The following FHIT variants were observed in gnomAD, a reference collection of about 807,000 sequenced individuals.
FHIT encodes the protein fragile histidine triad diadenosine triphosphatase.
In FHIT, 19 loss-of-function variants were observed where a neutral mutation model predicts 17.9. The ratio of observed to expected loss-of-function variants is 1.06; its 90% CI spans 0.74 to 1.56. FHIT has a LOEUF of 1.56. Among genes scored for constraint, FHIT ranks in the 40% most tolerant of loss-of-function variants. FHIT has a pLI of 0.00. For synonymous variants in FHIT, 81 were observed against 69.7 expected (o/e 1.16, Z -0.81); for missense variants, 248 against 189.2 (o/e 1.31, Z -1.82).
intron 5 of FHIT, among the ~76,000 whole-genome samples, chr3:60,052,039 G>T (rs1701900847): frequency 6.6e-6 from 1 of 152,000 alleles, no homozygotes; most frequent in South Asian, 2.1e-4. Context: ...TTTTGTTTGT[G>T]GCCATTAATG....
chr3:60,065,010 C>T (rs1702441761), intron 5 of FHIT, among the ~76,000 whole-genome samples: 1 of 152,134 alleles, frequency 6.6e-6, no homozygotes, highest in African/African-American at 2.4e-5. Context: ...CACAGCTGGC[C>T]TCAAAGGCAC....
chr3:60,303,495 C>G (rs1048140383), intron 5 of FHIT, among the ~76,000 whole-genome samples: 6 of 152,152 alleles, frequency 3.9e-5, no homozygotes, highest in African/African-American at 1.4e-4. Context: ...AATCTGAGCC[C>G]TCTCCCGTTG....
intron 7 of FHIT, among the ~76,000 whole-genome samples, chr3:59,998,499 A>G (rs1699604730): frequency 2.0e-5 from 3 of 152,102 alleles, no homozygotes; most frequent in African/African-American, 7.2e-5. Context: ...CCTGAACCAA[A>G]AAGGGAGGAC....
In FHIT at chr3:60,786,217, T is replaced by C. The variant is rs576397089; in HGVS notation, c.-18+35702A>G. 3.9e-5 allele frequency among the ~76,000 whole-genome samples: 6 copies of C among 152,282 alleles called. No individual in the cohort carries two copies. The East Asian group carries it at 1.2e-3, about 29-fold the overall frequency. ...CCAAGTTGCTTAACTACTTGGTGCC[T>C]AAATGTTCTCATTTATAAAACTGGG... On this transcript the variant is annotated intron_variant, in intron 4 of 9. Transcript: ENST00000492590.
intron 5 of FHIT, among the ~76,000 whole-genome samples, chr3:60,419,650 T>C (rs918702665): frequency 6.6e-6 from 1 of 152,166 alleles, no homozygotes; most frequent in African/African-American, 2.4e-5. Flanking sequence ...TTTCCTCCAG[T>C]ATTCTTTTTG....
At chr3:60,077,731 T>G (rs4019409) in intron 5 of FHIT, among the ~76,000 whole-genome samples, 20 of 49,004 alleles carry the variant, frequency 4.1e-4, no homozygotes, top group South Asian at 5.9e-4. Flanking sequence ...CACACACACA[T>G]ATATAGAGGG....
chr3:59,943,825 G>T (rs1235145936), intron 7 of FHIT, among the ~76,000 whole-genome samples: 1 of 152,132 alleles, frequency 6.6e-6, no homozygotes, highest in Non-Finnish European at 1.5e-5. Flanking sequence ...GAAAAATGCA[G>T]CCCTGGAACT....
intron 2 of FHIT, among the ~76,000 whole-genome samples, chr3:61,091,213 T>C (rs2035471103): frequency 6.6e-6 from 1 of 152,074 alleles, no homozygotes; most frequent in Admixed American, 6.6e-5. Flanking sequence ...AAAAATAAGG[T>C]ATTAAGTAAA....
At chr3:60,985,534 A>C (rs77468375) in intron 3 of FHIT, among the ~76,000 whole-genome samples, 276 of 152,298 alleles carry the variant, frequency 1.8e-3, no homozygotes, top group African/African-American at 6.2e-3. Flanking sequence ...CAAGCATGTG[A>C]CCTATGGCAG....
chr3:60,380,582 G>A (rs1471693714), intron 5 of FHIT, among the ~76,000 whole-genome samples: 1 of 152,028 alleles, frequency 6.6e-6, no homozygotes, highest in Non-Finnish European at 1.5e-5. Context: ...GGAAAAAGAG[G>A]GTACAGATTT....
intron 2 of FHIT, among the ~76,000 whole-genome samples, chr3:61,152,506 G>T (rs1576113250): frequency 6.6e-6 from 1 of 152,164 alleles, no homozygotes; most frequent in Non-Finnish European, 1.5e-5. Flanking sequence ...TTAATAGTAA[G>T]TGTTGGTACA....
chr3:60,803,297 A>T (rs561358573), intron 4 of FHIT, among the ~76,000 whole-genome samples: 1 of 152,148 alleles, frequency 6.6e-6, no homozygotes, highest in Non-Finnish European at 1.5e-5. Context: ...CTTCCTCGTG[A>T]TTACCGCCTA....
chr3:60,180,266 G>A (rs538495539), intron 5 of FHIT, among the ~76,000 whole-genome samples: 6 of 152,226 alleles, frequency 3.9e-5, no homozygotes, highest in East Asian at 1.9e-4. Context: ...AAAATATACC[G>A]TGCTGTTGCA....
chr3:60,368,635 C>T (rs6762611), intron 5 of FHIT, among the ~76,000 whole-genome samples: 103,533 of 151,836 alleles, frequency 0.68, 35,961 homozygotes, highest in African/African-American at 0.82. Flanking sequence ...TTTATTTTCT[C>T]AACTGGGTCT....
chr3:60,538,974 C>T (rs1229151673), intron 4 of FHIT, among the ~76,000 whole-genome samples: 1 of 151,944 alleles, frequency 6.6e-6, no homozygotes, highest in Admixed American at 6.6e-5. Flanking sequence ...TTCTGCACAG[C>T]AAAAGAATCT....
At chr3:60,246,124 C>T (rs189040485) in intron 5 of FHIT, among the ~76,000 whole-genome samples, 25 of 151,870 alleles carry the variant, frequency 1.6e-4, no homozygotes, top group Admixed American at 1.1e-3. Flanking sequence ...ATGAGGCAGA[C>T]CAGTAAAGAG....
chr3:60,001,625 A>C (rs1304955023), intron 7 of FHIT, among the ~76,000 whole-genome samples: 1 of 152,150 alleles, frequency 6.6e-6, no homozygotes, highest in Admixed American at 6.6e-5. Context: ...AGACAGACTT[A>C]AATGCTACAG....
chr3:60,267,751 G>C (rs1483914169), intron 5 of FHIT, among the ~76,000 whole-genome samples: 1 of 152,090 alleles, frequency 6.6e-6, no homozygotes, highest in African/African-American at 2.4e-5. Context: ...ATCTAGGACT[G>C]ATCCTAACAA....
intron 5 of FHIT, among the ~76,000 whole-genome samples, chr3:60,327,246 T>G (rs1709739722): frequency 6.6e-6 from 1 of 152,232 alleles, no homozygotes; most frequent in African/African-American, 2.4e-5. Flanking sequence ...GTTGTTTTGT[T>G]CACTGCTGTG....
Sources: gnomAD v4.1 joint callset for allele counts (sites outside exome capture counted in the v4.1 genomes callset) on GRCh38, gnomAD v4.1.1 for gene constraint, MANE v1.5 for transcripts, NCBI Gene and HGNC (gene_info 2026-07-23, HGNC 2026-07-21) for gene names.